The following SMAD1 variants were observed in gnomAD, a reference collection of about 807,000 sequenced individuals.
The protein encoded by SMAD1 is MAD, mothers against decapentaplegic homolog 1.
A neutral mutation model predicts 41.6 loss-of-function variants in SMAD1; 6 were observed. That is an observed-to-expected ratio of 0.14 (90% CI 0.08 to 0.28). The LOEUF (loss-of-function observed/expected upper bound fraction) is 0.28, where lower values mean the gene tolerates loss of function less well. Among genes scored for constraint, SMAD1 ranks in the 10% least tolerant of loss-of-function variants. SMAD1 has a pLI of 1.00. For missense variants in SMAD1, 379 were observed against 582.6 expected (o/e 0.65, Z 3.60); for synonymous variants, 206 against 203.2 (o/e 1.01, Z -0.12).
Position 145,514,394 on chromosome 4 carries a change from T to C in SMAD1, c.-176-44T>C. Reference sequence around the variant, plus strand: ...ATGGTGATTACTTAATAAATGTGGTTGTATGGTAAAGATGATTCTAACCAT... The same window carrying C: ...ATGGTGATTACTTAATAAATGTGGTCGTATGGTAAAGATGATTCTAACCAT... On this transcript the variant is annotated intron_variant, in intron 1 of 6. Transcript: ENST00000302085. This position sits in a 1 kb window ranked among gnomAD's most constrained non-coding sequence, Gnocchi z 4.7. 1 of 487,332 alleles carries C rather than the reference T, an allele frequency of 2.1e-6. No individual in the cohort carries two copies. Among genetic ancestry groups the C allele is most frequent in the Non-Finnish European group, 3.6e-6 (1 of 279,306 alleles). 30.2% of individuals were successfully genotyped at this position (487,332 alleles called of 1,614,324 possible).
chr4:145,484,225 A>ACACACACTTGTGT (rs1381255154), intron 1 of SMAD1, among the ~76,000 whole-genome samples: 3 of 152,196 alleles, frequency 2.0e-5, no homozygotes, highest in Non-Finnish European at 4.4e-5. Context: ...TGTGTGTATA[A>ACACACACTTGTGT]AAGATCTCAT....
chr4:145,488,777 C>T (rs1467693057), intron 1 of SMAD1, among the ~76,000 whole-genome samples: 1 of 152,108 alleles, frequency 6.6e-6, no homozygotes, highest in Non-Finnish European at 1.5e-5. Flanking sequence ...GTATATGCTT[C>T]ATTTATTCCC....
intron 2 of SMAD1, among the ~76,000 whole-genome samples, chr4:145,529,543 G>A (rs1240785237): frequency 1.3e-5 from 2 of 152,216 alleles, no homozygotes; most frequent in African/African-American, 4.8e-5. Flanking sequence ...TTGATCCCAA[G>A]CCAGTGCTTT....
chr4:145,528,521 C>T (rs1731157530), intron 2 of SMAD1, among the ~76,000 whole-genome samples: 1 of 152,166 alleles, frequency 6.6e-6, no homozygotes, highest in African/African-American at 2.4e-5. Context: ...GGATTACAGG[C>T]GTGAGCTACC....
rs765764210 is a variant in SMAD1, at chr4:145,550,418, CA to C, written c.998-3363del. Among the ~76,000 whole-genome samples the C allele has an allele frequency of 4.6e-5, 7 of 152,016 alleles. No homozygotes were observed. The East Asian group carries it at 1.4e-3, about 29-fold the overall frequency. On this transcript the variant is annotated intron_variant, in intron 5 of 6. Coordinates refer to ENST00000302085, the MANE Select transcript of SMAD1 (RefSeq NM_005900.3). Reference sequence around the variant, plus strand: ...ATCCCAGCTACTCGGGAGACAGAGGCAAAGTTATCACTTGAATTTGAGAGGC... The same window carrying C: ...ATCCCAGCTACTCGGGAGACAGAGGCAAGTTATCACTTGAATTTGAGAGGC...
chr4:145,511,768 A>G (rs1730093696), intron 1 of SMAD1, among the ~76,000 whole-genome samples: 1 of 152,164 alleles, frequency 6.6e-6, no homozygotes, highest in African/African-American at 2.4e-5. Context: ...AATTGTACAT[A>G]TATTTTAAAC....
At chr4:145,498,481 TTACC>T (rs1342879025) in intron 1 of SMAD1, among the ~76,000 whole-genome samples, 1 of 152,224 alleles carries the variant, frequency 6.6e-6, no homozygotes. Flanking sequence ...AATAACTCTC[TTACC>T]TACTGTCAGT....
chr4:145,540,650 A>G (rs539124096), intron 3 of SMAD1, among the ~76,000 whole-genome samples: 6 of 151,936 alleles, frequency 3.9e-5, no homozygotes, highest in Non-Finnish European at 8.8e-5. Context: ...TCTAGACATA[A>G]CTGTTGGTGT....
At chr4:145,505,260 A>T (rs1390732348) in intron 1 of SMAD1, among the ~76,000 whole-genome samples, 2 of 152,180 alleles carry the variant, frequency 1.3e-5, no homozygotes, top group Admixed American at 1.3e-4. Flanking sequence ...ACAAGGCAAG[A>T]GTTGATCTCA....
In SMAD1 at chr4:145,535,483, A is replaced by G. The variant is rs377550368; in HGVS notation, c.401-4321A>G. Among the ~76,000 whole-genome samples the G allele has an allele frequency of 4.6e-4, 70 of 152,332 alleles. 1 individual carries two copies. The South Asian group carries it at 0.012, about 25-fold the overall frequency. ...TCACCTTTGGTGTTGTTATCTGTCA[A>G]ACCACATGAGGAAGACCTCTGTGCA... is the stretch of plus-strand genomic sequence containing the variant. On this transcript the variant is annotated intron_variant, in intron 2 of 6. Transcript: ENST00000302085.
chr4:145,508,163 A>C (rs1482699603), intron 1 of SMAD1, among the ~76,000 whole-genome samples: 1 of 151,088 alleles, frequency 6.6e-6, no homozygotes, highest in Admixed American at 6.6e-5. Flanking sequence ...TAAAATGTAG[A>C]TCTAATAATG....
At position 145,528,060 on chromosome 4, in the gene SMAD1, T is replaced by TACAC. The variant is rs35710925; in HGVS notation, c.401-11714_401-11711dup. ...CACTCTCGGCTAATTTTTTTGTTTG[T>TACAC]ACACACACACACACACACACACACA... On this transcript the variant is annotated intron_variant, in intron 2 of 6. Coordinates refer to ENST00000302085, the MANE Select transcript of SMAD1 (RefSeq NM_005900.3). Among the ~76,000 whole-genome samples the TACAC allele has an allele frequency of 5.6e-3, 802 of 142,142 alleles. 4 individuals are homozygous for TACAC. Among genetic ancestry groups the TACAC allele is most frequent in the East Asian group, 9.4e-3 (46 of 4,904 alleles). The allele number at this position is 142,142 out of a possible 152,430, so 93.3% of individuals were successfully genotyped here.
intron 1 of SMAD1, among the ~76,000 whole-genome samples, chr4:145,500,733 T>C (rs1560729473): frequency 6.6e-6 from 1 of 152,210 alleles, no homozygotes; most frequent in African/African-American, 2.4e-5. Flanking sequence ...TCTCTTTTTG[T>C]ATGAAGTTAG....
intron 2 of SMAD1, among the ~76,000 whole-genome samples, chr4:145,527,956 C>T (rs1008217408): frequency 2.0e-5 from 3 of 151,672 alleles, no homozygotes; most frequent in African/African-American, 4.8e-5. Context: ...CACCGCTCCC[C>T]GCCCCGGCCC....
chr4:145,521,900 T>TAAAA (rs10713518), intron 2 of SMAD1, among the ~76,000 whole-genome samples: 1 of 124,062 alleles, frequency 8.1e-6, no homozygotes. Context: ...TGGTTTTCTG[T>TAAAA]AAAAAAAAAA....
chr4:145,558,757 A>G lies in SMAD1; in HGVS notation c.*823A>G, dbSNP rs1302057315. On this transcript the variant is annotated 3_prime_UTR_variant, in exon 7 of 7. Transcript: ENST00000302085. ...TTCTCTCTCGGCATTCTTTTTTCTC[A>G]TACTCTTCAAAAAGCAGTTCTGCAG... 1.3e-5 allele frequency among the ~76,000 whole-genome samples: 2 copies of G among 151,830 alleles called. No homozygotes were observed. The highest frequency in any genetic ancestry group is 3.9e-4 in the East Asian group (2 of 5,192).
At chr4:145,515,138 G>C (rs1730303467) in intron 2 of SMAD1, 125 bp downstream of exon 2, 2 of 365,052 alleles carry the variant, frequency 5.5e-6, no homozygotes, top group Admixed American at 1.0e-4. Context: ...GGGAAACTGT[G>C]TGTGTGTGTG....
chr4:145,498,284 C>G (rs1225787497), intron 1 of SMAD1, among the ~76,000 whole-genome samples: 1 of 152,140 alleles, frequency 6.6e-6, no homozygotes, highest in Non-Finnish European at 1.5e-5. Context: ...GTGCCTGAAT[C>G]CTTAATAAAA....
chr4:145,531,364 C>T (rs566540803), intron 2 of SMAD1, among the ~76,000 whole-genome samples: 1 of 152,204 alleles, frequency 6.6e-6, no homozygotes, highest in South Asian at 2.1e-4. Context: ...CTCGTGTAGG[C>T]ATCATATTGG....
Sources: gnomAD v4.1 joint callset for allele counts (sites outside exome capture counted in the v4.1 genomes callset) on GRCh38, gnomAD v4.1.1 for gene constraint, Gnocchi (gnomAD v3.1) non-coding constraint, MANE v1.5 for transcripts, NCBI Gene and HGNC (gene_info 2026-07-23, HGNC 2026-07-21) for gene names.